PDE1A: variants seen among roughly 807,000 people sequenced by gnomAD.
PDE1A encodes the protein phosphodiesterase 1A.
In PDE1A, 35 loss-of-function variants were observed where a neutral mutation model predicts 61.7. The ratio of observed to expected loss-of-function variants is 0.57; its 90% CI spans 0.43 to 0.75. The LOEUF (loss-of-function observed/expected upper bound fraction) is 0.75, where lower values mean the gene tolerates loss of function less well. PDE1A is among the 30% of genes least tolerant of loss of function. PDE1A has a pLI of 0.00. For missense variants in PDE1A, 597 were observed against 630.6 expected (o/e 0.95, Z 0.57); for synonymous variants, 232 against 213.2 (o/e 1.09, Z -0.77).
chr2:182,370,081 G>A (rs1306119205), intron 1 of PDE1A, among the ~76,000 whole-genome samples: 2 of 152,052 alleles, frequency 1.3e-5, no homozygotes, highest in African/African-American at 2.4e-5. Context: ...GGAGGCTGAG[G>A]CATGAGAATC....
chr2:182,485,460 C>A (rs1687958094), intron 2 of PDE1A, among the ~76,000 whole-genome samples: 1 of 151,862 alleles, frequency 6.6e-6, no homozygotes, highest in Non-Finnish European at 1.5e-5. Flanking sequence ...ACAACAAACC[C>A]CCGTGACACA....
chr2:182,193,995 C>T (rs1685927615), intron 10 of PDE1A, among the ~76,000 whole-genome samples: 2 of 152,088 alleles, frequency 1.3e-5, no homozygotes, highest in South Asian at 2.1e-4. Flanking sequence ...ACACTTTATA[C>T]TACTTCTAGC....
At chr2:182,302,592 G>C (rs1198432609) in intron 1 of PDE1A, among the ~76,000 whole-genome samples, 1 of 152,182 alleles carries the variant, frequency 6.6e-6, no homozygotes, top group Non-Finnish European at 1.5e-5. Flanking sequence ...GACTAATCAG[G>C]GAGGTAGTTG....
chr2:182,668,687 C>T, the PDE1A span, among the ~76,000 whole-genome samples: 1 of 152,154 alleles, frequency 6.6e-6, no homozygotes, highest in South Asian at 2.1e-4. Flanking sequence ...CGGCTGCCTG[C>T]TCCTGCCACA....
intron 3 of PDE1A, among the ~76,000 whole-genome samples, chr2:182,237,697 G>A (rs983281213): frequency 6.6e-6 from 1 of 152,174 alleles, no homozygotes; most frequent in Non-Finnish European, 1.5e-5. Context: ...CAGCAATAGT[G>A]AGGAACAGCA....
At chr2:182,663,736 C>T in the PDE1A span, among the ~76,000 whole-genome samples, 1,894 of 151,946 alleles carry the variant, frequency 0.012, 24 homozygotes, top group South Asian at 0.049. Flanking sequence ...AGGCTTAGTA[C>T]GTGAGTGACA....
the PDE1A span, among the ~76,000 whole-genome samples, chr2:182,559,105 T>C: frequency 6.6e-6 from 1 of 152,198 alleles, no homozygotes. Context: ...TAATTTATCT[T>C]GACTCCTTAT....
chr2:182,251,138 A>T (rs1329505957), intron 2 of PDE1A, among the ~76,000 whole-genome samples: 1 of 152,110 alleles, frequency 6.6e-6, no homozygotes, highest in African/African-American at 2.4e-5. Flanking sequence ...CTGATTAACA[A>T]ATTTTGATTA....
the PDE1A span, among the ~76,000 whole-genome samples, chr2:182,654,784 G>T: frequency 6.6e-6 from 1 of 152,060 alleles, no homozygotes; most frequent in Non-Finnish European, 1.5e-5. Context: ...TCTATTCATT[G>T]TCCACCATCC....
At chr2:182,142,268 T>C (rs1034095602), downstream of PDE1A, 2 of 152,224 alleles carry the variant, frequency 1.3e-5, no homozygotes, top group African/African-American at 4.8e-5. Flanking sequence ...CCAGCAATGG[T>C]TGACGGTCTT....
chr2:182,456,078 T>C (rs1389065325), intron 2 of PDE1A, among the ~76,000 whole-genome samples: 2 of 152,114 alleles, frequency 1.3e-5, no homozygotes, highest in African/African-American at 4.8e-5. Flanking sequence ...TGAAACCACA[T>C]AGATGTGAAC....
intron 1 of PDE1A, among the ~76,000 whole-genome samples, chr2:182,292,209 T>TCA (rs957760288): frequency 4.6e-5 from 7 of 152,012 alleles, no homozygotes; most frequent in African/African-American, 7.2e-5. Flanking sequence ...GCTCTCTCTC[T>TCA]CTACTAATCC....
the PDE1A span, among the ~76,000 whole-genome samples, chr2:182,562,033 T>C: frequency 6.6e-6 from 1 of 150,890 alleles, no homozygotes; most frequent in African/African-American, 2.4e-5. Flanking sequence ...CTTTTCCTAA[T>C]TGAATACCCT....
chr2:182,377,205 G>T (rs556300325), intron 1 of PDE1A, among the ~76,000 whole-genome samples: 1 of 152,158 alleles, frequency 6.6e-6, no homozygotes, highest in Admixed American at 6.5e-5. Flanking sequence ...AGAAGTATTT[G>T]GTTCATGAGG....
At chr2:182,395,829 A>G (rs573666965) in intron 1 of PDE1A, among the ~76,000 whole-genome samples, 2 of 152,290 alleles carry the variant, frequency 1.3e-5, no homozygotes, top group East Asian at 3.9e-4. Context: ...TCTTCTCCAG[A>G]TAACTACTCT....
chr2:182,434,327 G>A (rs759384873), intron 2 of PDE1A, among the ~76,000 whole-genome samples: 7 of 151,952 alleles, frequency 4.6e-5, no homozygotes, highest in South Asian at 2.1e-4. Flanking sequence ...TTACATAAAC[G>A]AGAGCAAATA....
chr2:182,714,225 G>A, the PDE1A span, among the ~76,000 whole-genome samples: 2 of 152,186 alleles, frequency 1.3e-5, no homozygotes, highest in Non-Finnish European at 2.9e-5. Context: ...CCTTCATGAA[G>A]CTTAGATTCT....
At chr2:182,455,349 C>T (rs1229225938) in intron 2 of PDE1A, among the ~76,000 whole-genome samples, 15 of 152,020 alleles carry the variant, frequency 9.9e-5, no homozygotes, top group African/African-American at 1.7e-4. Context: ...GTCAGTGTGG[C>T]GATTCCTCAG....
chr2:182,522,216 A>G, intron 2 of PDE1A: 1 of 1,418,242 alleles, frequency 7.1e-7, no homozygotes, highest in East Asian at 2.3e-5. Flanking sequence ...AGCACCAACA[A>G]TTAGTCACGT....
Sources: gnomAD v4.1 joint callset for allele counts (sites outside exome capture counted in the v4.1 genomes callset) on GRCh38, gnomAD v4.1.1 for gene constraint, MANE v1.5 for transcripts, NCBI Gene and HGNC (gene_info 2026-07-23, HGNC 2026-07-21) for gene names.